Variants in SLC5A3 observed in about 807,000 individuals in gnomAD.
SLC5A3 encodes sodium/myo-inositol cotransporter.
SLC5A3 carries 10 observed loss-of-function variants against 43.2 expected under a neutral mutation model. That is an observed-to-expected ratio of 0.23 (90% CI 0.14 to 0.39). The LOEUF (loss-of-function observed/expected upper bound fraction) is 0.39. SLC5A3 is among the 10% of genes least tolerant of loss of function. The pLI is 1.00. For synonymous variants in SLC5A3, 349 were observed against 322.0 expected, an observed-to-expected ratio of 1.08 and a Z score of -0.90; for missense variants, 608 against 893.4, an observed-to-expected ratio of 0.68 and a Z score of 4.07.
chr21:34,102,327 A>C lies in SLC5A3; in HGVS notation c.*4972A>C. On this transcript the variant is annotated 3_prime_UTR_variant, in exon 2 of 2. Transcript: ENST00000381151. ...TCTTCAATGCTGAGAATAAGGCTTT[A>C]AATTACTGATTCACCTTTAAAGGAA... The C allele has an allele frequency of 2.0e-6, 2 of 999,478 alleles. No individual in the cohort carries two copies. The highest frequency in any genetic ancestry group is 9.4e-5 in the South Asian group (2 of 21,276). 61.9% of individuals were successfully genotyped at this position (999,478 alleles called of 1,614,324 possible). A position where few individuals can be genotyped will look rare whatever the true frequency, so the allele number is the denominator to read the frequency against.
chr21:34,078,883 C>T (rs1989394778), intron 1 of SLC5A3, among the ~76,000 whole-genome samples: 1 of 152,196 alleles, frequency 6.6e-6, no homozygotes, highest in South Asian at 2.1e-4. Flanking sequence ...CCAATATACT[C>T]ATGAGTTTAT....
chr21:34,097,276 A>G lies in SLC5A3; in HGVS notation c.2078A>G (p.Gln693Arg), dbSNP rs775198034. 4 of 1,613,768 alleles carry G rather than the reference A, an allele frequency of 2.5e-6. No individual in the cohort carries two copies. In the East Asian group the frequency reaches 8.9e-5, roughly 36 times the overall value. ...VCLQMLEETR[Q>R]VKVILNIGLF... Reference sequence around the variant, plus strand: ...TTACAGATGCTAGAAGAGACTCGGCAAGTTAAAGTAATACTAAATATTGGA... The same window carrying G: ...TTACAGATGCTAGAAGAGACTCGGCGAGTTAAAGTAATACTAAATATTGGA... Residue 693 changes from glutamine (Q) to arginine (R), a missense_variant, in exon 2 of 2, where the codon CAA (glutamine) becomes CGA (arginine). This residue lies in a region of SLC5A3 where 210 missense variants were observed against 224.8 expected (regional missense o/e 0.93). Coordinates refer to ENST00000381151, the MANE Select transcript of SLC5A3 (RefSeq NM_006933.7).
Position 34,103,225 on chromosome 21 carries a change from A to G in SLC5A3, c.*5870A>G, listed in dbSNP as rs561630207. The stretch of plus-strand genomic sequence containing the variant: ...GGATTAGTGCCTTCTGGTTACCAGT[A>G]TTGACTCTGCTAGTTTGCACCTTTC... On this transcript the variant is annotated 3_prime_UTR_variant, in exon 2 of 2. Coordinates refer to ENST00000381151, the MANE Select transcript of SLC5A3 (RefSeq NM_006933.7). 2 of 999,282 alleles carry G rather than the reference A, an allele frequency of 2.0e-6. No homozygotes were observed. The highest frequency in any genetic ancestry group is 2.4e-6 in the Non-Finnish European group (2 of 829,798). The allele number at this position is 999,282 out of a possible 1,614,324, so 61.9% of individuals were successfully genotyped here.
In SLC5A3 at chr21:34,101,039, C is replaced by G; in HGVS notation, c.*3684C>G. 1.0e-6 allele frequency: 1 copy of G among 1,000,054 alleles called. No individual in the cohort carries two copies. The highest frequency in any genetic ancestry group is 4.7e-5 in the South Asian group (1 of 21,282). The allele number at this position is 1,000,054 out of a possible 1,614,324, so 61.9% of individuals were successfully genotyped here. A position where few individuals can be genotyped will look rare whatever the true frequency, so the allele number is the denominator to read the frequency against. On this transcript the variant is annotated 3_prime_UTR_variant, in exon 2 of 2. Transcript: ENST00000381151. ...CGTTGGTGGTGACACCTCACTGTTT[C>G]CTAGGTTTGGATAGAGAGATGTATA...
At chr21:34,074,185 C>T (rs1342818482) in intron 1 of SLC5A3, among the ~76,000 whole-genome samples, 2 of 150,080 alleles carry the variant, frequency 1.3e-5, no homozygotes, top group Non-Finnish European at 3.0e-5. Flanking sequence ...TGGTCCGTCC[C>T]GCTCCGCCGC....
In SLC5A3 at chr21:34,081,149, G is replaced by A. The variant is rs139013116; in HGVS notation, c.-337+7404G>A. 7.2e-5 allele frequency among the ~76,000 whole-genome samples: 11 copies of A among 152,274 alleles called. 1 individual carries two copies. Among genetic ancestry groups the A allele is most frequent in the Non-Finnish European group, 1.5e-4 (10 of 68,028 alleles). On this transcript the variant is annotated intron_variant, in intron 1 of 1. Coordinates refer to ENST00000381151, the MANE Select transcript of SLC5A3 (RefSeq NM_006933.7). Reference sequence around the variant, plus strand: ...GGGAAGAAAAATAACTAGGAGGATTGTGTATGTGGAGTGTTTTACAAGGAT... The same window carrying A: ...GGGAAGAAAAATAACTAGGAGGATTATGTATGTGGAGTGTTTTACAAGGAT...
In SLC5A3 at chr21:34,076,205, T is replaced by C. The variant is rs570350115; in HGVS notation, c.-337+2460T>C. On this transcript the variant is annotated intron_variant, in intron 1 of 1. Transcript: ENST00000381151. ...GGACTCCCAGAGCTGCTCTCCTGTT[T>C]TTTCTCCGCAGTACTCAGCCTGGAG... Among the ~76,000 whole-genome samples the C allele has an allele frequency of 9.2e-5, 14 of 152,362 alleles. 2 individuals are homozygous for C. In the South Asian group the frequency reaches 2.9e-3, roughly 32 times the overall value.
Position 34,097,430 on chromosome 21 carries a change from C to G in SLC5A3, c.*75C>G, listed in dbSNP as rs1177125090. 3.6e-6 allele frequency: 5 copies of G among 1,384,730 alleles called. No individual in the cohort carries two copies. Among genetic ancestry groups the G allele is most frequent in the East Asian group, 2.5e-5 (1 of 40,106 alleles). The allele number at this position is 1,384,730 out of a possible 1,614,324, so 85.8% of individuals were successfully genotyped here. On this transcript the variant is annotated 3_prime_UTR_variant, in exon 2 of 2. Transcript: ENST00000381151. ...TGGGGAAAAAAGTTATGTAACTGTG[C>G]ATCTCTCAGGCATTGTTTACGCTGT...
At chr21:34,078,143 C>CT (rs1004612628) in intron 1 of SLC5A3, among the ~76,000 whole-genome samples, 22 of 152,044 alleles carry the variant, frequency 1.4e-4, no homozygotes, top group East Asian at 1.9e-4. Context: ...GTCAAGTGGT[C>CT]TTTTTTTTCT....
At chr21:34,077,334 GAAAT>G (rs1430795150) in intron 1 of SLC5A3, among the ~76,000 whole-genome samples, 3 of 152,194 alleles carry the variant, frequency 2.0e-5, no homozygotes, top group South Asian at 2.1e-4. Flanking sequence ...TCTGAGGAAA[GAAAT>G]CTGTGCAATA....
chr21:34,095,137 A>G lies in SLC5A3; in HGVS notation c.-62A>G. 6.5e-7 allele frequency: 1 copy of G among 1,529,708 alleles called. No individual in the cohort carries two copies. The highest frequency in any genetic ancestry group is 8.7e-7 in the Non-Finnish European group (1 of 1,143,052). The allele number at this position is 1,529,708 out of a possible 1,614,324, so 94.8% of individuals were successfully genotyped here. A position where few individuals can be genotyped will look rare whatever the true frequency, so the allele number is the denominator to read the frequency against. The stretch of plus-strand genomic sequence containing the variant: ...GTTTACAGACTTGGCTGGGGTTACT[A>G]AAAATAAATAAAAAGTTGGACACTT... On this transcript the variant is annotated 5_prime_UTR_variant, in exon 2 of 2. An upstream open reading frame in the 5' UTR loses its in-frame stop. Transcript: ENST00000381151.
intron 1 of SLC5A3, among the ~76,000 whole-genome samples, chr21:34,081,087 C>T (rs1989448487): frequency 6.6e-6 from 1 of 152,150 alleles, no homozygotes; most frequent in Non-Finnish European, 1.5e-5. Context: ...AAAATAATGA[C>T]TGTAGAATTA....
chr21:34,080,086 T>C (rs1989425653), intron 1 of SLC5A3, among the ~76,000 whole-genome samples: 1 of 152,248 alleles, frequency 6.6e-6, no homozygotes, highest in Non-Finnish European at 1.5e-5. Flanking sequence ...TTAGCTGGTC[T>C]CCTGACATAC....
At chr21:34,087,110 C>T (rs1978428280) in intron 1 of SLC5A3, among the ~76,000 whole-genome samples, 1 of 152,160 alleles carries the variant, frequency 6.6e-6, no homozygotes, top group Non-Finnish European at 1.5e-5. Context: ...GAGATGGTGG[C>T]TCCAGATACA....
intron 1 of SLC5A3, among the ~76,000 whole-genome samples, chr21:34,088,387 AGCCT>A (rs1978507005): frequency 6.6e-6 from 1 of 152,050 alleles, no homozygotes; most frequent in African/African-American, 2.4e-5. Context: ...CTGTATGTGA[AGCCT>A]ATGCCTGGGA....
intron 1 of SLC5A3, among the ~76,000 whole-genome samples, chr21:34,085,994 A>C (rs1377262635): frequency 2.0e-5 from 3 of 152,224 alleles, no homozygotes; most frequent in African/African-American, 7.2e-5. Context: ...CTGAATTGTC[A>C]AAAGTGTCTG....
rs556340932 is a variant in SLC5A3, at chr21:34,098,559, C to T, written c.*1204C>T. 4.0e-6 allele frequency: 4 copies of T among 1,000,096 alleles called. No homozygotes were observed. Among genetic ancestry groups the T allele is most frequent in the East Asian group, 2.3e-4 (2 of 8,820 alleles). 62.0% of individuals were successfully genotyped at this position (1,000,096 alleles called of 1,614,324 possible). A position where few individuals can be genotyped will look rare whatever the true frequency, so the allele number is the denominator to read the frequency against. On this transcript the variant is annotated 3_prime_UTR_variant, in exon 2 of 2. Transcript: ENST00000381151. ...TAAGGATGTTTCAGTGCAAACTGGC[C>T]GTCGGTAACAGAAAACTCAGTGCAT...
chr21:34,105,303 CTTTCTTT>C lies in SLC5A3; in HGVS notation c.*7958_*7964del. The C allele has an allele frequency of 1.0e-6, 1 of 999,890 alleles. No individual in the cohort carries two copies. The highest frequency in any genetic ancestry group is 1.2e-6 in the Non-Finnish European group (1 of 829,694). The allele number at this position is 999,890 out of a possible 1,614,324, so 61.9% of individuals were successfully genotyped here. A position where few individuals can be genotyped will look rare whatever the true frequency, so the allele number is the denominator to read the frequency against. On this transcript the variant is annotated 3_prime_UTR_variant, in exon 2 of 2. Transcript: ENST00000381151. ...ATGAACTGTGTTATACTTCTCAGTG[CTTTCTTT>C]TTTCTTTTTGATAAGATGGATATCA...
chr21:34,095,264 C>T lies in SLC5A3; in HGVS notation c.66C>T (p.Cys22=). 1 of 1,614,080 alleles carries T rather than the reference C, an allele frequency of 6.2e-7. No homozygotes were observed. The highest frequency in any genetic ancestry group is 8.5e-7 in the Non-Finnish European group (1 of 1,179,940). The change falls in exon 2 of 2, where the codon TGC becomes TGT. Residue 22 remains cysteine, a synonymous_variant. Transcript: ENST00000381151. ...CCCTGTATTTTATCCTGGTCATGTGCATTGGTTTTTTTGCCATGTGGAAAT... is the reference window on the plus strand; with the variant it reads ...CCCTGTATTTTATCCTGGTCATGTGTATTGGTTTTTTTGCCATGTGGAAAT... The part of the protein sequence containing the change: ...IVALYFILVM[C]IGFFAMWKSN...
Sources: gnomAD v4.1 joint callset for allele counts (sites outside exome capture counted in the v4.1 genomes callset) on GRCh38, gnomAD v4.1.1 for gene constraint, gnomAD v4.1.1 regional missense constraint, MANE v1.5 for transcripts, NCBI Gene and HGNC (gene_info 2026-07-23, HGNC 2026-07-21) for gene names.